VPS13B: variants seen among roughly 807,000 people sequenced by gnomAD.
The protein encoded by VPS13B is vacuolar protein sorting 13 homolog B.
A neutral mutation model predicts 426.4 loss-of-function variants in VPS13B; 285 were observed. That is an observed-to-expected ratio of 0.67 (90% CI 0.61 to 0.74). The LOEUF is 0.74. VPS13B is among the 30% of genes least tolerant of loss of function. The pLI is 0.00. For missense variants in VPS13B, 4,537 were observed against 4,782.6 expected, an observed-to-expected ratio of 0.95 and a Z score of 1.51; for synonymous variants, 1,676 against 1,676.4, an observed-to-expected ratio of 1.00 and a Z score of 0.01.
At chr8:99,027,190 G>A (rs1248048339) in intron 2 of VPS13B, among the ~76,000 whole-genome samples, 1 of 152,022 alleles carries the variant, frequency 6.6e-6, no homozygotes, top group Non-Finnish European at 1.5e-5. Context: ...TCTTGGTTTT[G>A]GTAATCCATT....
chr8:99,268,833 GTCTCCACCCAAA>G (rs1345087322), intron 17 of VPS13B, among the ~76,000 whole-genome samples: 1 of 152,124 alleles, frequency 6.6e-6, no homozygotes. Flanking sequence ...GTTTGGCTGT[GTCTCCACCCAAA>G]TCTCATCTTG....
At chr8:99,094,700 T>C (rs977293671) in intron 3 of VPS13B, among the ~76,000 whole-genome samples, 1 of 152,202 alleles carries the variant, frequency 6.6e-6, no homozygotes, top group Non-Finnish European at 1.5e-5. Flanking sequence ...AGAGGTCTTA[T>C]TGTCGTTCTT....
chr8:99,093,545 A>G (rs1479992970), intron 3 of VPS13B, among the ~76,000 whole-genome samples: 4 of 116,064 alleles, frequency 3.4e-5, no homozygotes, highest in Non-Finnish European at 7.2e-5. Flanking sequence ...CCACCTCACA[A>G]CAGTCCCCAG....
intron 2 of VPS13B, among the ~76,000 whole-genome samples, chr8:99,034,854 C>T (rs994021369): frequency 1.3e-5 from 2 of 151,990 alleles, no homozygotes; most frequent in African/African-American, 2.4e-5. Context: ...TTGTCGCATG[C>T]GCGCGCGTGT....
chr8:99,315,406 G>A (rs1052543883), intron 19 of VPS13B, among the ~76,000 whole-genome samples: 1 of 149,552 alleles, frequency 6.7e-6, no homozygotes, highest in Non-Finnish European at 1.5e-5. Context: ...TTTTTCTTGT[G>A]CTTCATTTAG....
At chr8:99,570,563 T>A (rs1374684098) in intron 31 of VPS13B, among the ~76,000 whole-genome samples, 1 of 151,996 alleles carries the variant, frequency 6.6e-6, no homozygotes, top group Non-Finnish European at 1.5e-5. Context: ...GTGCCTTGCT[T>A]TTTTTCTTAT....
chr8:99,567,679 G>A (rs891903916), intron 31 of VPS13B, among the ~76,000 whole-genome samples: 13 of 151,896 alleles, frequency 8.6e-5, no homozygotes, highest in African/African-American at 3.1e-4. Context: ...TAAAAGATTA[G>A]GTCCCCTATT....
intron 19 of VPS13B, among the ~76,000 whole-genome samples, chr8:99,378,794 G>C (rs563422607): frequency 6.6e-6 from 1 of 152,078 alleles, no homozygotes; most frequent in South Asian, 2.1e-4. Flanking sequence ...TTTATTTTCT[G>C]CACTTCTTGC....
chr8:99,458,727 G>A (rs1818658124), intron 23 of VPS13B, among the ~76,000 whole-genome samples: 1 of 152,200 alleles, frequency 6.6e-6, no homozygotes, highest in African/African-American at 2.4e-5. Context: ...CTTTTGAGAA[G>A]TGTCTGTTCA....
chr8:99,505,559 A>G (rs779423641), intron 27 of VPS13B, among the ~76,000 whole-genome samples: 1 of 152,178 alleles, frequency 6.6e-6, no homozygotes, highest in Non-Finnish European at 1.5e-5. Context: ...TGATCAATTA[A>G]GTTTGTGTCT....
chr8:99,787,756 A>G (rs897112333), intron 43 of VPS13B, among the ~76,000 whole-genome samples: 1 of 152,182 alleles, frequency 6.6e-6, no homozygotes, highest in Non-Finnish European at 1.5e-5. Flanking sequence ...GGTAGGATTT[A>G]TATAGAGGCT....
At chr8:99,626,046 G>A (rs1160899264) in intron 33 of VPS13B, among the ~76,000 whole-genome samples, 2 of 152,142 alleles carry the variant, frequency 1.3e-5, no homozygotes, top group Non-Finnish European at 2.9e-5. Flanking sequence ...AGACCTAAAT[G>A]TAAGAACTAA....
intron 31 of VPS13B, among the ~76,000 whole-genome samples, chr8:99,562,106 G>T (rs1824953322): frequency 6.6e-6 from 1 of 152,024 alleles, no homozygotes; most frequent in Non-Finnish European, 1.5e-5. Flanking sequence ...TGTTTTGTTT[G>T]TTTGTTTTTT....
At chr8:99,106,206 C>T (rs1022017909) in intron 5 of VPS13B, among the ~76,000 whole-genome samples, 4 of 151,272 alleles carry the variant, frequency 2.6e-5, no homozygotes, top group Admixed American at 1.3e-4. Flanking sequence ...CTGAGGCGGG[C>T]GGATCCCCTG....
At chr8:99,595,989 C>T (rs1826990510) in intron 33 of VPS13B, among the ~76,000 whole-genome samples, 1 of 151,636 alleles carries the variant, frequency 6.6e-6, no homozygotes, top group Non-Finnish European at 1.5e-5. Context: ...TGGCTACAGT[C>T]AAAAAAAGTC....
intron 17 of VPS13B, among the ~76,000 whole-genome samples, chr8:99,203,350 A>C (rs1814474100): frequency 1.3e-5 from 2 of 152,226 alleles, no homozygotes; most frequent in Non-Finnish European, 1.5e-5. Flanking sequence ...CTAGGTATTG[A>C]TGGAACGTAT....
At chr8:99,414,639 C>T (rs1815888699) in intron 21 of VPS13B, among the ~76,000 whole-genome samples, 2 of 152,086 alleles carry the variant, frequency 1.3e-5, no homozygotes, top group South Asian at 4.1e-4. Flanking sequence ...CTCAGCATTT[C>T]CTTTCTGTAA....
chr8:99,298,237 C>T lies in VPS13B; in HGVS notation c.2824+22983C>T, dbSNP rs529506965. Among the ~76,000 whole-genome samples the T allele has an allele frequency of 6.3e-3, 951 of 152,160 alleles. 8 individuals carry two copies. The highest frequency in any genetic ancestry group is 0.021 in the African/African-American group (892 of 41,504). On this transcript the variant is annotated intron_variant, in intron 19 of 61. Transcript: ENST00000357162. ...GGTGCGGTGGCTTGCGCCTGTAATC[C>T]CAGCACTTTGCGAGGCCGAGGTGGG...
intron 17 of VPS13B, among the ~76,000 whole-genome samples, chr8:99,236,639 A>T (rs920582710): frequency 6.6e-6 from 1 of 152,228 alleles, no homozygotes; most frequent in Non-Finnish European, 1.5e-5. Flanking sequence ...TAGCTTTTAA[A>T]TGATGTTTCC....
Sources: allele counts gnomAD v4.1 joint callset (sites outside exome capture counted in the v4.1 genomes callset), GRCh38; gene constraint gnomAD v4.1.1; transcripts MANE v1.5; gene names NCBI Gene and HGNC (gene_info 2026-07-23, HGNC 2026-07-21).